The following FAM241A variants were observed in gnomAD, a reference collection of about 807,000 sequenced individuals.
FAM241A encodes uncharacterized protein FAM241A.
FAM241A carries 7 observed loss-of-function variants against 12.2 expected under a neutral mutation model. That is an observed-to-expected ratio of 0.58 (90% CI 0.33 to 1.08). The LOEUF (loss-of-function observed/expected upper bound fraction) is 1.08, where lower values mean the gene tolerates loss of function less well. Among genes scored for constraint, FAM241A ranks in the 50% least tolerant of loss-of-function variants. The pLI is 0.04. For synonymous variants in FAM241A, 74 were observed against 68.2 expected (o/e 1.08, Z -0.42); for missense variants, 161 against 169.7 (o/e 0.95, Z 0.29).
rs575970776 is a variant in FAM241A at position 112,182,305 on chromosome 4, CT to C, written c.154-4384del. 1.9e-3 allele frequency among the ~76,000 whole-genome samples: 287 copies of C among 152,176 alleles called. 1 individual carries two copies. Among genetic ancestry groups the C allele is most frequent in the Admixed American group, 4.9e-3 (75 of 15,288 alleles). On this transcript the variant is annotated intron_variant, in intron 1 of 1. Transcript: ENST00000309733. ...TCTAAAAATAATTGAATCGGATGAC[CT>C]TTTGATAGCTGCATGAGACAATCCA...
chr4:112,187,830 A>C lies in FAM241A; in HGVS notation c.*892A>C, dbSNP rs1222739927. The C allele has an allele frequency of 6.6e-6, 1 of 152,398 alleles. No individual in the cohort carries two copies. Among genetic ancestry groups the C allele is most frequent in the Non-Finnish European group, 1.5e-5 (1 of 67,970 alleles). 9.4% of individuals were successfully genotyped at this position (152,398 alleles called of 1,614,324 possible). On this transcript the variant is annotated 3_prime_UTR_variant, in exon 2 of 2. Coordinates refer to ENST00000309733, the MANE Select transcript of FAM241A (RefSeq NM_152400.3). The stretch of plus-strand genomic sequence containing the variant: ...TAACACTTATTCTGAGTTTTGAAAC[A>C]ATGTATTTCCTATCTTGACATGGAT...
chr4:112,161,025 A>T (rs1723453276), intron 1 of FAM241A, among the ~76,000 whole-genome samples: 1 of 152,214 alleles, frequency 6.6e-6, no homozygotes, highest in Non-Finnish European at 1.5e-5. Context: ...TAATACAGAC[A>T]AGTACAGGCA....
intron 1 of FAM241A, among the ~76,000 whole-genome samples, chr4:112,183,419 T>C (rs1375841081): frequency 6.6e-6 from 1 of 152,108 alleles, no homozygotes; most frequent in African/African-American, 2.4e-5. Flanking sequence ...CATTGCTGTC[T>C]CCTCGCCTGG....
intron 1 of FAM241A, among the ~76,000 whole-genome samples, chr4:112,166,551 G>C (rs923549584): frequency 6.6e-6 from 1 of 152,066 alleles, no homozygotes. Context: ...TTCTGAAAAA[G>C]AAATTTTCCA....
At chr4:112,169,064 A>G (rs1723658981) in intron 1 of FAM241A, among the ~76,000 whole-genome samples, 1 of 152,246 alleles carries the variant, frequency 6.6e-6, no homozygotes, top group Admixed American at 6.5e-5. Context: ...TCTTCCATAT[A>G]ACTTTACCTT....
chr4:112,185,753 A>G (rs1190621486), intron 1 of FAM241A, among the ~76,000 whole-genome samples: 1 of 152,208 alleles, frequency 6.6e-6, no homozygotes, highest in East Asian at 1.9e-4. Context: ...TCAAGAAGGC[A>G]CATTGAGATT....
In FAM241A at chr4:112,172,269, CTTG is replaced by C. The variant is rs149685337; in HGVS notation, c.154-14418_154-14416del. ...AGTTAAAAATTTCATTTAAACATTGCTTGTTGTTTTCAAGGCTTACATATTTCA... is the reference window on the plus strand; with the variant it reads ...AGTTAAAAATTTCATTTAAACATTGCTTGTTTTCAAGGCTTACATATTTCA... On this transcript the variant is annotated intron_variant, in intron 1 of 1. Coordinates refer to ENST00000309733, the MANE Select transcript of FAM241A (RefSeq NM_152400.3). Among the ~76,000 whole-genome samples the C allele has an allele frequency of 5.0e-3, 755 of 152,212 alleles. 6 individuals carry two copies. Among genetic ancestry groups the C allele is most frequent in the African/African-American group, 0.017 (711 of 41,530 alleles).
chr4:112,146,563 T>A (rs1196234431), intron 1 of FAM241A, among the ~76,000 whole-genome samples: 3 of 152,224 alleles, frequency 2.0e-5, no homozygotes, highest in Non-Finnish European at 4.4e-5. Context: ...TCCAAATACC[T>A]GAGGTAAGCC....
At chr4:112,176,672 A>G (rs1202002939) in intron 1 of FAM241A, among the ~76,000 whole-genome samples, 3 of 152,180 alleles carry the variant, frequency 2.0e-5, no homozygotes, top group Non-Finnish European at 4.4e-5. Context: ...AATTTGGGGT[A>G]TCTTTTAAGA....
chr4:112,148,014 A>G (rs1723174306), intron 1 of FAM241A, among the ~76,000 whole-genome samples: 1 of 152,104 alleles, frequency 6.6e-6, no homozygotes. Flanking sequence ...CTATGGTTGT[A>G]TGCTCTTGAA....
chr4:112,147,595 A>G lies in FAM241A; in HGVS notation c.153+1862A>G, dbSNP rs181346717. ...GCATTGCCATGTAATGATGGTAGAA[A>G]TAGTATTACATGTGTAAAGATATTT... On this transcript the variant is annotated intron_variant, in intron 1 of 1. Transcript: ENST00000309733. Among the ~76,000 whole-genome samples the G allele has an allele frequency of 7.2e-4, 110 of 152,368 alleles. 2 individuals are homozygous for G. In the East Asian group the frequency reaches 0.021, roughly 29 times the overall value.
At chr4:112,161,457 A>C (rs1334998619) in intron 1 of FAM241A, among the ~76,000 whole-genome samples, 2 of 152,232 alleles carry the variant, frequency 1.3e-5, no homozygotes, top group African/African-American at 4.8e-5. Context: ...AGATTGATGC[A>C]ATAAAAAATG....
intron 1 of FAM241A, among the ~76,000 whole-genome samples, chr4:112,169,458 A>G (rs1723672507): frequency 6.6e-6 from 1 of 152,232 alleles, no homozygotes; most frequent in African/African-American, 2.4e-5. Context: ...GATTATGAGT[A>G]AATGCTAATC....
At chr4:112,171,153 C>A in intron 1 of FAM241A, 1 of 463,506 alleles carries the variant, frequency 2.2e-6, no homozygotes, top group Admixed American at 3.0e-5. Flanking sequence ...ATGCAAAAAC[C>A]ACAAAACCAT....
chr4:112,183,604 G>A (rs1469050916), intron 1 of FAM241A, among the ~76,000 whole-genome samples: 10 of 149,044 alleles, frequency 6.7e-5, no homozygotes, highest in Admixed American at 5.3e-4. Flanking sequence ...CAAAAATACT[G>A]AAAAAAAAAG....
intron 1 of FAM241A, among the ~76,000 whole-genome samples, chr4:112,160,691 C>T (rs989798295): frequency 1.3e-5 from 2 of 152,152 alleles, no homozygotes; most frequent in Admixed American, 6.5e-5. Context: ...CAGTGTGGTA[C>T]TGGCATAAAA....
At chr4:112,174,816 A>G (rs1039813930) in intron 1 of FAM241A, among the ~76,000 whole-genome samples, 8 of 152,364 alleles carry the variant, frequency 5.3e-5, no homozygotes, top group Admixed American at 2.6e-4. Flanking sequence ...AATAGCCTCA[A>G]TGGCACAAGG....
At chr4:112,159,879 T>C (rs1723426050) in intron 1 of FAM241A, among the ~76,000 whole-genome samples, 1 of 152,158 alleles carries the variant, frequency 6.6e-6, no homozygotes, top group African/African-American at 2.4e-5. Flanking sequence ...GAGAAGGATG[T>C]CCACTGGTCA....
intron 1 of FAM241A, among the ~76,000 whole-genome samples, chr4:112,159,893 G>A (rs1344897207): frequency 6.6e-6 from 1 of 152,148 alleles, no homozygotes; most frequent in East Asian, 1.9e-4. Flanking sequence ...CTGGTCACCA[G>A]TGTTACTCAA....
Sources: allele counts gnomAD v4.1 joint callset (sites outside exome capture counted in the v4.1 genomes callset), GRCh38; gene constraint gnomAD v4.1.1; transcripts MANE v1.5; gene names NCBI Gene and HGNC (gene_info 2026-07-23, HGNC 2026-07-21).